The following CDH8 variants were observed in gnomAD, a reference collection of about 807,000 sequenced individuals.
The protein encoded by CDH8 is cadherin 8.
Under a neutral mutation model 68.1 loss-of-function variants are expected in CDH8, and 17 were observed. The ratio of observed to expected loss-of-function variants is 0.25; its 90% confidence interval spans 0.17 to 0.37. The LOEUF (loss-of-function observed/expected upper bound fraction) is 0.37. Among genes scored for constraint, CDH8 ranks in the 10% least tolerant of loss-of-function variants. The pLI is 1.00. For synonymous variants in CDH8, 372 were observed against 365.1 expected, an observed-to-expected ratio of 1.02 and a Z score of -0.21; for missense variants, 763 against 999.3, an observed-to-expected ratio of 0.76 and a Z score of 3.19.
intron 4 of CDH8, among the ~76,000 whole-genome samples, chr16:61,852,855 T>A (rs532316015): frequency 8.9e-6 from 1 of 112,102 alleles, no homozygotes; most frequent in Admixed American, 9.2e-5. Context: ...GACTCTGCCC[T>A]TCCTTCCTTC....
chr16:61,935,919 T>C (rs1377054445), intron 2 of CDH8, among the ~76,000 whole-genome samples: 2 of 152,098 alleles, frequency 1.3e-5, no homozygotes, highest in African/African-American at 4.8e-5. Flanking sequence ...GGGAGCTAGA[T>C]CTTAAGAAAG....
intron 2 of CDH8, among the ~76,000 whole-genome samples, chr16:61,969,345 T>C (rs940588327): frequency 2.0e-5 from 3 of 152,184 alleles, no homozygotes; most frequent in African/African-American, 4.8e-5. Context: ...ACGGATTCAG[T>C]GTAGATTGAA....
intron 10 of CDH8, among the ~76,000 whole-genome samples, chr16:61,684,065 T>C (rs1272741164): frequency 2.0e-5 from 3 of 152,010 alleles, no homozygotes; most frequent in Non-Finnish European, 2.9e-5. Context: ...TCCTCAGAGA[T>C]TGGTTCTGTC....
intron 2 of CDH8, among the ~76,000 whole-genome samples, chr16:61,981,089 T>C (rs1287420139): frequency 6.6e-6 from 1 of 152,156 alleles, no homozygotes; most frequent in African/African-American, 2.4e-5. Context: ...AGAAAGAACT[T>C]AGAAAGTGTT....
rs1013528121 is a variant in CDH8, at chr16:62,018,417, C to T, written c.252+2735G>A. Among the ~76,000 whole-genome samples, 4 of 152,128 alleles carry T rather than the reference C, an allele frequency of 2.6e-5. No homozygotes were observed. In the South Asian group the frequency reaches 6.2e-4, roughly 24 times the overall value. The stretch of plus-strand genomic sequence containing the variant: ...TCATAAGTAAGTAATGCTTCTCAGC[C>T]GGTTCCTGGGGAGAAGCTGGGAGGT... On this transcript the variant is annotated intron_variant, in intron 2 of 11. Transcript: ENST00000577390.
At chr16:61,999,479 A>G (rs541139813) in intron 2 of CDH8, among the ~76,000 whole-genome samples, 1 of 152,326 alleles carries the variant, frequency 6.6e-6, no homozygotes, top group Admixed American at 6.5e-5. Flanking sequence ...CTTTGGAGCT[A>G]GATAGATGAA....
chr16:61,668,883 T>C (rs780174524), intron 10 of CDH8, among the ~76,000 whole-genome samples: 7 of 152,066 alleles, frequency 4.6e-5, no homozygotes, highest in Non-Finnish European at 7.4e-5. Context: ...CTTGAGCTTA[T>C]AAATGTGTGC....
At chr16:61,696,728 G>A (rs1964334226) in intron 10 of CDH8, among the ~76,000 whole-genome samples, 1 of 152,030 alleles carries the variant, frequency 6.6e-6, no homozygotes, top group South Asian at 2.1e-4. Context: ...AAAGAAATAT[G>A]GTAATATATA....
At chr16:61,947,182 T>C (rs1964816072) in intron 2 of CDH8, among the ~76,000 whole-genome samples, 1 of 115,746 alleles carries the variant, frequency 8.6e-6, no homozygotes, top group African/African-American at 3.6e-5. Context: ...TATTTCTAAA[T>C]TGAAGTATAT....
intron 2 of CDH8, among the ~76,000 whole-genome samples, chr16:61,904,834 C>A (rs535064193): frequency 4.6e-5 from 7 of 152,158 alleles, no homozygotes; most frequent in African/African-American, 1.7e-4. Flanking sequence ...CTGCTCTTCA[C>A]GTAAGGGTGT....
At chr16:61,854,627 T>C (rs1267778236) in intron 4 of CDH8, among the ~76,000 whole-genome samples, 1 of 152,116 alleles carries the variant, frequency 6.6e-6, no homozygotes, top group Non-Finnish European at 1.5e-5. Context: ...CTAATACACA[T>C]CTTTTGTTCC....
intron 7 of CDH8, among the ~76,000 whole-genome samples, chr16:61,812,555 C>T (rs1337985960): frequency 6.6e-6 from 1 of 151,950 alleles, no homozygotes; most frequent in Non-Finnish European, 1.5e-5. Flanking sequence ...CATGGTGACA[C>T]CCAATACACA....
intron 2 of CDH8, among the ~76,000 whole-genome samples, chr16:61,902,386 A>C (rs1567520802): frequency 6.6e-6 from 1 of 152,152 alleles, no homozygotes; most frequent in East Asian, 1.9e-4. Context: ...GGAGTATTCT[A>C]ATATTATACA....
At chr16:61,902,123 C>G (rs1239914391) in intron 2 of CDH8, among the ~76,000 whole-genome samples, 1 of 152,006 alleles carries the variant, frequency 6.6e-6, no homozygotes, top group African/African-American at 2.4e-5. Flanking sequence ...TCGTCTAGTC[C>G]AGGAAAATCA....
intron 2 of CDH8, among the ~76,000 whole-genome samples, chr16:61,932,595 A>T (rs1468145240): frequency 2.0e-5 from 3 of 151,990 alleles, no homozygotes; most frequent in Non-Finnish European, 2.9e-5. Flanking sequence ...ATCATTACTT[A>T]TTTTCTGGGC....
chr16:61,925,503 T>G (rs1964442556), intron 2 of CDH8, among the ~76,000 whole-genome samples: 1 of 152,192 alleles, frequency 6.6e-6, no homozygotes, highest in Admixed American at 6.5e-5. Context: ...TTTTTACTGT[T>G]AGAGATGTGA....
intron 9 of CDH8, chr16:61,714,219 T>G: frequency 2.5e-6 from 1 of 403,422 alleles, no homozygotes; most frequent in Non-Finnish European, 4.4e-6. Context: ...ATAGCAAAGT[T>G]AAGTGTATTT....
chr16:61,937,933 G>T (rs1346972051), intron 2 of CDH8: 3 of 152,044 alleles, frequency 2.0e-5, no homozygotes, highest in Non-Finnish European at 4.4e-5. Context: ...GTGCCAGGAG[G>T]ATTAATTACA....
chr16:61,989,126 T>C (rs2150587883), intron 2 of CDH8, among the ~76,000 whole-genome samples: 1 of 152,316 alleles, frequency 6.6e-6, no homozygotes, highest in East Asian at 1.9e-4. Flanking sequence ...TGGAAGTTAA[T>C]TGGCTTAGAC....
Sources: allele counts gnomAD v4.1 joint callset (sites outside exome capture counted in the v4.1 genomes callset), GRCh38; gene constraint gnomAD v4.1.1; transcripts MANE v1.5; gene names NCBI Gene and HGNC (gene_info 2026-07-23, HGNC 2026-07-21).